Variants in VPS54 observed in about 807,000 individuals in gnomAD.
VPS54 encodes the protein VPS54 subunit of GARP complex, also known as vacuolar protein sorting-associated protein 54.
Under a neutral mutation model 121.5 loss-of-function variants are expected in VPS54, and 45 were observed. The ratio of observed to expected loss-of-function variants is 0.37; its 90% CI spans 0.29 to 0.47. VPS54 has a LOEUF of 0.47. Among genes scored for constraint, VPS54 ranks in the 20% least tolerant of loss-of-function variants. VPS54 has a pLI of 0.99. For missense variants in VPS54, 1,090 were observed against 1,131.4 expected (o/e 0.96, Z 0.52); for synonymous variants, 371 against 385.8 (o/e 0.96, Z 0.45).
At chr2:63,900,651 T>TG (rs1205838217) in intron 20 of VPS54, among the ~76,000 whole-genome samples, 1 of 152,218 alleles carries the variant, frequency 6.6e-6, no homozygotes, top group African/African-American at 2.4e-5. Context: ...TGATGTCTAA[T>TG]GGCTTCCCGA....
At chr2:63,916,575 AAAAG>A (rs1454030428) in intron 16 of VPS54, among the ~76,000 whole-genome samples, 2 of 152,180 alleles carry the variant, frequency 1.3e-5, no homozygotes. Flanking sequence ...GCAACAGAAG[AAAAG>A]ATAGAAAGAG....
intron 3 of VPS54, among the ~76,000 whole-genome samples, chr2:63,973,199 G>A (rs1179005836): frequency 2.0e-5 from 3 of 152,128 alleles, no homozygotes; most frequent in African/African-American, 2.4e-5. Flanking sequence ...ATTTGGTGTT[G>A]TCAGTGTTTT....
intron 12 of VPS54, among the ~76,000 whole-genome samples, chr2:63,928,290 G>A (rs2104470327): frequency 6.6e-6 from 1 of 152,340 alleles, no homozygotes; most frequent in Admixed American, 6.5e-5. Context: ...ACAAAGGGAA[G>A]CCCATCAGAC....
intron 3 of VPS54, 68 bp from the exon 4 acceptor site, chr2:63,972,312 T>C: frequency 2.4e-6 from 3 of 1,239,746 alleles, no homozygotes; most frequent in South Asian, 1.5e-5. Flanking sequence ...TGAAAGTGTT[T>C]TGCAACAGAA....
At chr2:63,979,046 T>C (rs1190697039) in intron 3 of VPS54, among the ~76,000 whole-genome samples, 1 of 152,218 alleles carries the variant, frequency 6.6e-6, no homozygotes, top group African/African-American at 2.4e-5. Flanking sequence ...AGGCTTTTAA[T>C]CTCTGTAGAA....
rs565509728 is a variant in VPS54 at position 64,007,713 on chromosome 2, G to A, written c.-21+11225C>T. On this transcript the variant is annotated intron_variant, in intron 1 of 22. Transcript: ENST00000272322. ...TGATATTACAAATGGAGAAAGTGCC[G>A]AAGAAGAGAGCTAATGAAAGCTCTG... Among the ~76,000 whole-genome samples the A allele has an allele frequency of 7.4e-4, 113 of 152,272 alleles. 1 individual carries two copies. Among genetic ancestry groups the A allele is most frequent in the Middle Eastern group, 3.4e-3 (1 of 294 alleles).
intron 7 of VPS54, among the ~76,000 whole-genome samples, chr2:63,955,577 T>G (rs1427077864): frequency 2.6e-5 from 4 of 152,052 alleles, no homozygotes; most frequent in Admixed American, 6.5e-5. Flanking sequence ...GCTTCATTTT[T>G]ATGTATCCTT....
At chr2:63,961,506 C>T (rs555910528) in intron 7 of VPS54, among the ~76,000 whole-genome samples, 1 of 147,104 alleles carries the variant, frequency 6.8e-6, no homozygotes, top group Non-Finnish European at 1.5e-5. Flanking sequence ...TGATGGCTTG[C>T]AATTAGTCTA....
chr2:63,967,735 A>AAAAAAAAAAAAAAAAAAAAAAAAC (rs1676072902), intron 5 of VPS54, among the ~76,000 whole-genome samples: 1 of 149,368 alleles, frequency 6.7e-6, no homozygotes, highest in Non-Finnish European at 1.5e-5. Flanking sequence ...AAAAAAAAAA[A>AAAAAAAAAAAAAAAAAAAAAAAAC]TCTTATAAGG....
At chr2:63,984,947 G>A (rs1038433581) in intron 1 of VPS54, among the ~76,000 whole-genome samples, 1 of 151,338 alleles carries the variant, frequency 6.6e-6, no homozygotes, top group African/African-American at 2.4e-5. Context: ...AGAATATGAG[G>A]TTTAACAAGT....
intron 7 of VPS54, among the ~76,000 whole-genome samples, chr2:63,959,248 A>G (rs1675640112): frequency 6.6e-6 from 1 of 152,244 alleles, no homozygotes; most frequent in Admixed American, 6.5e-5. Flanking sequence ...TTTGACACAA[A>G]TTTAAAACAA....
At chr2:63,902,821 A>T (rs1220352770) in intron 20 of VPS54, among the ~76,000 whole-genome samples, 1 of 152,152 alleles carries the variant, frequency 6.6e-6, no homozygotes, top group Non-Finnish European at 1.5e-5. Flanking sequence ...TATGAAAATT[A>T]GCTGGGTGTG....
intron 1 of VPS54, among the ~76,000 whole-genome samples, chr2:63,990,337 AC>A (rs200644691): frequency 0.012 from 1,870 of 152,022 alleles, 17 homozygotes; most frequent in Non-Finnish European, 0.015. Flanking sequence ...CACGACTCAG[AC>A]AGCCCGGGAC....
At chr2:63,949,928 C>T (rs368447529) in intron 7 of VPS54, among the ~76,000 whole-genome samples, 2 of 152,180 alleles carry the variant, frequency 1.3e-5, no homozygotes, top group East Asian at 3.9e-4. Context: ...GGGAACTCTG[C>T]TGCCAGATTG....
At chr2:63,950,506 T>C (rs1034091888) in intron 7 of VPS54, among the ~76,000 whole-genome samples, 2 of 152,180 alleles carry the variant, frequency 1.3e-5, no homozygotes, top group Non-Finnish European at 2.9e-5. Context: ...CAGTCTCTTA[T>C]TGGCAAGGTA....
chr2:64,002,110 G>A (rs1459298627), intron 1 of VPS54, among the ~76,000 whole-genome samples: 2 of 152,170 alleles, frequency 1.3e-5, no homozygotes, highest in East Asian at 3.9e-4. Flanking sequence ...CCCTGGTTTT[G>A]CTTTTTGCTG....
intron 1 of VPS54, among the ~76,000 whole-genome samples, chr2:63,987,320 C>A (rs1677098440): frequency 6.6e-6 from 1 of 152,118 alleles, no homozygotes; most frequent in African/African-American, 2.4e-5. Flanking sequence ...AGAGACTGTC[C>A]TTTTCCCCAA....
intron 7 of VPS54, 76 bp from the exon 8 acceptor site, chr2:63,949,239 T>C: frequency 4.1e-6 from 6 of 1,458,718 alleles, no homozygotes; most frequent in East Asian, 4.7e-5. Context: ...AGGGAACTAG[T>C]AGGTAAAACT....
At chr2:63,933,581 G>A in intron 12 of VPS54, 92 bp downstream of exon 12, 1 of 1,190,456 alleles carries the variant, frequency 8.4e-7, no homozygotes, top group Non-Finnish European at 1.2e-6. Flanking sequence ...AAATTTACAT[G>A]GTTTTTCAAT....
Sources: allele counts gnomAD v4.1 joint callset (sites outside exome capture counted in the v4.1 genomes callset), GRCh38; gene constraint gnomAD v4.1.1; transcripts MANE v1.5; gene names NCBI Gene and HGNC (gene_info 2026-07-23, HGNC 2026-07-21).